Variants in PKNOX2 observed in about 807,000 individuals in gnomAD.
PKNOX2 encodes the protein PBX/knotted 1 homeobox 2.
In PKNOX2, 14 loss-of-function variants were observed where a neutral mutation model predicts 53.1. The observed-to-expected ratio is 0.26, with a 90% confidence interval of 0.17 to 0.41. The LOEUF is 0.41. Ranked by LOEUF, PKNOX2 falls within the 10% of genes least tolerant of loss-of-function variation. The pLI is 1.00. For missense variants in PKNOX2, 496 were observed against 602.8 expected, an observed-to-expected ratio of 0.82 and a Z score of 1.85; for synonymous variants, 257 against 242.8, an observed-to-expected ratio of 1.06 and a Z score of -0.54.
intron 10 of PKNOX2, among the ~76,000 whole-genome samples, chr11:125,426,747 C>A (rs1956450032): frequency 6.6e-6 from 1 of 152,246 alleles, no homozygotes; most frequent in Non-Finnish European, 1.5e-5. Context: ...GGTCTGCACA[C>A]TGGAAATAAA....
chr11:125,265,471 G>T (rs771901958), intron 2 of PKNOX2, among the ~76,000 whole-genome samples: 5 of 152,156 alleles, frequency 3.3e-5, no homozygotes, highest in African/African-American at 7.2e-5. Flanking sequence ...CACCCAGGAT[G>T]CTCACGCCAA....
chr11:125,343,770 AGCAAGACCACGAAGAG>A (rs1307277127), intron 3 of PKNOX2, among the ~76,000 whole-genome samples: 1 of 152,094 alleles, frequency 6.6e-6, no homozygotes, highest in Admixed American at 6.5e-5. Flanking sequence ...GAGAGGCGGG[AGCAAGACCACGAAGAG>A]GGCGCGGGAG....
intron 1 of PKNOX2, among the ~76,000 whole-genome samples, chr11:125,211,733 G>A (rs1045499652): frequency 1.2e-4 from 18 of 152,098 alleles, no homozygotes; most frequent in African/African-American, 4.3e-4. Context: ...TTGGGCTGCA[G>A]GGGGAGGTGG....
At chr11:125,406,282 G>A (rs946627462) in intron 7 of PKNOX2, among the ~76,000 whole-genome samples, 17 of 152,206 alleles carry the variant, frequency 1.1e-4, no homozygotes, top group Admixed American at 2.0e-4. Context: ...ACTAAGCCTG[G>A]ACTGGAAATC....
chr11:125,379,308 C>T lies in PKNOX2; in HGVS notation c.228-6243C>T, dbSNP rs905743079. 8.5e-5 allele frequency among the ~76,000 whole-genome samples: 13 copies of T among 152,204 alleles called. No individual in the cohort carries two copies. In the East Asian group the frequency reaches 2.1e-3, roughly 25 times the overall value. ...AAATCCTGACCTAAGGTAATCCACC[C>T]GCCTCAGCCTCCCAAAGCGCTGGGG... On this transcript the variant is annotated intron_variant, in intron 5 of 12. Transcript: ENST00000298282.
At chr11:125,401,085 G>A (rs904207993) in intron 7 of PKNOX2, among the ~76,000 whole-genome samples, 4 of 152,014 alleles carry the variant, frequency 2.6e-5, no homozygotes, top group African/African-American at 9.7e-5. Context: ...GTTGGGTGGG[G>A]GGCAGGGGCA....
At chr11:125,401,657 GGA>G (rs1218479518) in intron 7 of PKNOX2, among the ~76,000 whole-genome samples, 2 of 152,140 alleles carry the variant, frequency 1.3e-5, no homozygotes, top group Non-Finnish European at 1.5e-5. Flanking sequence ...CTCCCAGGAA[GGA>G]GAGGCCCAGG....
At chr11:125,227,637 T>G (rs577457892) in intron 1 of PKNOX2, among the ~76,000 whole-genome samples, 1 of 152,348 alleles carries the variant, frequency 6.6e-6, no homozygotes, top group East Asian at 1.9e-4. Context: ...CATCTGTTGA[T>G]GGATACTGGG....
intron 2 of PKNOX2, among the ~76,000 whole-genome samples, chr11:125,273,673 T>A (rs1945968727): frequency 6.6e-6 from 1 of 152,202 alleles, no homozygotes; most frequent in Admixed American, 6.5e-5. Flanking sequence ...GACCCAGCAG[T>A]CATGGTGTGA....
At chr11:125,428,215 G>C (rs1468938752) in intron 10 of PKNOX2, among the ~76,000 whole-genome samples, 3 of 152,140 alleles carry the variant, frequency 2.0e-5, no homozygotes. Context: ...TGCAGCATGT[G>C]GGGGACTGAG....
chr11:125,349,206 T>C (rs1400869021), intron 3 of PKNOX2, among the ~76,000 whole-genome samples: 1 of 152,212 alleles, frequency 6.6e-6, no homozygotes, highest in Non-Finnish European at 1.5e-5. Flanking sequence ...AAGTTCCTTC[T>C]GATGTCTCAA....
At chr11:125,375,104 A>G (rs1291767788) in intron 5 of PKNOX2, among the ~76,000 whole-genome samples, 2 of 152,224 alleles carry the variant, frequency 1.3e-5, no homozygotes, top group African/African-American at 4.8e-5. Flanking sequence ...TTGAGTGGGA[A>G]GAACCTGAAC....
At chr11:125,429,790 T>A in intron 11 of PKNOX2, among the ~76,000 whole-genome samples, 173 bp from the exon 12 acceptor site, 1 of 152,106 alleles carries the variant, frequency 6.6e-6, no homozygotes, top group African/African-American at 2.4e-5. Flanking sequence ...CCCAGGAAAT[T>A]TCATGAACTT....
At chr11:125,415,849 A>G (rs1332567278) in intron 10 of PKNOX2, among the ~76,000 whole-genome samples, 5 of 152,226 alleles carry the variant, frequency 3.3e-5, no homozygotes, top group African/African-American at 9.6e-5. Flanking sequence ...AAAAGAAACA[A>G]CCATTCAAAA....
chr11:125,232,597 T>TTC (rs1942306013), intron 1 of PKNOX2, among the ~76,000 whole-genome samples: 2 of 152,214 alleles, frequency 1.3e-5, no homozygotes, highest in Admixed American at 6.5e-5. Context: ...ACTAGACATC[T>TTC]TCTCTCTCCT....
intron 1 of PKNOX2, among the ~76,000 whole-genome samples, chr11:125,231,738 G>T (rs1182349498): frequency 1.3e-5 from 2 of 152,098 alleles, no homozygotes; most frequent in East Asian, 3.8e-4. Context: ...GTGTGTGTGT[G>T]TGGAGAGAGA....
At chr11:125,227,684 A>ATGAACACAAG (rs1408590749) in intron 1 of PKNOX2, among the ~76,000 whole-genome samples, 4 of 152,244 alleles carry the variant, frequency 2.6e-5, no homozygotes, top group African/African-American at 9.6e-5. Flanking sequence ...TAAAGCTGCT[A>ATGAACACAAG]TGAACACAAG....
intron 2 of PKNOX2, among the ~76,000 whole-genome samples, chr11:125,310,131 A>G (rs577480724): frequency 6.6e-6 from 1 of 152,290 alleles, no homozygotes; most frequent in South Asian, 2.1e-4. Flanking sequence ...AAAGGGCAAT[A>G]AAGTTAGTTT....
intron 2 of PKNOX2, among the ~76,000 whole-genome samples, chr11:125,315,328 A>AAAAC (rs1201379428): frequency 6.9e-6 from 1 of 144,852 alleles, no homozygotes; most frequent in African/African-American, 2.7e-5. Context: ...AAAAAAAAAA[A>AAAAC]CACCTCTCTC....
Sources: allele counts gnomAD v4.1 joint callset (sites outside exome capture counted in the v4.1 genomes callset), GRCh38; gene constraint gnomAD v4.1.1; transcripts MANE v1.5; gene names NCBI Gene and HGNC (gene_info 2026-07-23, HGNC 2026-07-21).